SCAPER: variants seen among roughly 807,000 people sequenced by gnomAD.
SCAPER encodes the protein S phase cyclin A-associated protein in the endoplasmic reticulum.
Under a neutral mutation model 182.2 loss-of-function variants are expected in SCAPER, and 98 were observed. The observed-to-expected ratio is 0.54, with a 90% CI of 0.46 to 0.64. SCAPER has a LOEUF of 0.64. Ranked by LOEUF, SCAPER falls within the 30% of genes least tolerant of loss-of-function variation. The probability of loss-of-function intolerance (pLI) is 0.00; values close to 1 mark genes in which losing one functional copy is unlikely to be tolerated. For missense variants in SCAPER, 1,432 were observed against 1,690.0 expected (o/e 0.85, Z 2.68); for synonymous variants, 605 against 564.6 (o/e 1.07, Z -1.01).
At chr15:76,390,471 G>A (rs953363359) in intron 27 of SCAPER, among the ~76,000 whole-genome samples, 4 of 152,186 alleles carry the variant, frequency 2.6e-5, no homozygotes, top group Non-Finnish European at 4.4e-5. Context: ...ACACAACAAA[G>A]TGGAAGAGTA....
intron 1 of SCAPER, among the ~76,000 whole-genome samples, chr15:76,888,015 C>A (rs1005789144): frequency 1.6e-4 from 24 of 152,242 alleles, no homozygotes; most frequent in Non-Finnish European, 2.4e-4. Context: ...GCAGCCTCTG[C>A]TGGTGATACC....
intron 23 of SCAPER, among the ~76,000 whole-genome samples, chr15:76,537,923 C>T (rs1014768175): frequency 2.6e-5 from 4 of 151,982 alleles, no homozygotes; most frequent in Non-Finnish European, 5.9e-5. Context: ...ACAGACACTT[C>T]TCAAAAGAAG....
At position 76,825,358 on chromosome 15, in the gene SCAPER, A is replaced by T. The variant is rs115197649; in HGVS notation, c.393+16376T>A. On this transcript the variant is annotated intron_variant, in intron 5 of 31. Transcript: ENST00000563290. ...TTTAACAGCCAGCACAAATACCACAAATACAAACTCTTCTATGATCCTACA... is the reference window on the plus strand; with the variant it reads ...TTTAACAGCCAGCACAAATACCACATATACAAACTCTTCTATGATCCTACA... Among the ~76,000 whole-genome samples the T allele has an allele frequency of 8.1e-3, 1,231 of 152,206 alleles. 13 individuals carry two copies. Among genetic ancestry groups the T allele is most frequent in the African/African-American group, 0.028 (1,167 of 41,512 alleles).
At chr15:76,749,552 C>T (rs556760565) in intron 15 of SCAPER, among the ~76,000 whole-genome samples, 160 of 151,914 alleles carry the variant, frequency 1.1e-3, no homozygotes, top group Non-Finnish European at 1.4e-3. Flanking sequence ...AACAATAGAC[C>T]TAATAAGTGA....
intron 23 of SCAPER, among the ~76,000 whole-genome samples, chr15:76,558,631 A>G (rs2046364057): frequency 6.6e-6 from 1 of 152,192 alleles, no homozygotes; most frequent in African/African-American, 2.4e-5. Context: ...TTCTCAGAGA[A>G]CTTAGAACTA....
chr15:76,433,105 G>T (rs2142525025), intron 26 of SCAPER, among the ~76,000 whole-genome samples: 1 of 152,334 alleles, frequency 6.6e-6, no homozygotes, highest in East Asian at 1.9e-4. Context: ...TTTATAACCA[G>T]AGATGAACTG....
intron 17 of SCAPER, among the ~76,000 whole-genome samples, chr15:76,719,050 A>G (rs1350461679): frequency 1.3e-5 from 2 of 152,186 alleles, no homozygotes; most frequent in Non-Finnish European, 2.9e-5. Context: ...CTCTTCTGGC[A>G]ATATACCCAA....
chr15:76,863,836 T>G (rs2072061486), intron 2 of SCAPER, among the ~76,000 whole-genome samples: 3 of 152,144 alleles, frequency 2.0e-5, no homozygotes, highest in African/African-American at 7.2e-5. Context: ...CTGAGTCTCT[T>G]AGAATGCTCC....
chr15:76,670,218 G>GA (rs2056913036), intron 20 of SCAPER, among the ~76,000 whole-genome samples: 1 of 151,566 alleles, frequency 6.6e-6, no homozygotes, highest in Admixed American at 6.6e-5. Flanking sequence ...CTAATACCTA[G>GA]AAAAAAACTG....
chr15:76,796,261 C>T (rs2065319258), intron 7 of SCAPER, among the ~76,000 whole-genome samples: 1 of 152,058 alleles, frequency 6.6e-6, no homozygotes, highest in Non-Finnish European at 1.5e-5. Flanking sequence ...GCACAATTCT[C>T]CTTAACCTTA....
chr15:76,529,831 T>C (rs2043501767), intron 23 of SCAPER, among the ~76,000 whole-genome samples: 1 of 152,194 alleles, frequency 6.6e-6, no homozygotes, highest in Non-Finnish European at 1.5e-5. Context: ...TAGAGCTTTC[T>C]AGGTGATTGT....
chr15:76,675,183 A>C (rs980257728), intron 20 of SCAPER, among the ~76,000 whole-genome samples: 1 of 152,228 alleles, frequency 6.6e-6, no homozygotes, highest in Non-Finnish European at 1.5e-5. Flanking sequence ...TTTACAAAAG[A>C]GTCATTTTGT....
chr15:76,360,623 G>A (rs111884630), intron 29 of SCAPER, among the ~76,000 whole-genome samples: 9 of 152,214 alleles, frequency 5.9e-5, no homozygotes, highest in Non-Finnish European at 1.0e-4. Flanking sequence ...ATGAAGATGA[G>A]GATGACATAC....
chr15:76,591,299 G>T (rs930866221), intron 22 of SCAPER, among the ~76,000 whole-genome samples: 2 of 148,570 alleles, frequency 1.3e-5, no homozygotes, highest in Non-Finnish European at 3.0e-5. Flanking sequence ...CAGGCTGCAC[G>T]CCCAGGAGGA....
At chr15:76,452,752 ACT>A (rs1437543518) in intron 25 of SCAPER, among the ~76,000 whole-genome samples, 1 of 152,010 alleles carries the variant, frequency 6.6e-6, no homozygotes, top group African/African-American at 2.4e-5. Flanking sequence ...GGTTTCCAAA[ACT>A]TTTATTTTTG....
At chr15:76,747,980 TCTTTTTTTTTTTTTC>T (rs976630338) in intron 15 of SCAPER, among the ~76,000 whole-genome samples, 1 of 106,928 alleles carries the variant, frequency 9.4e-6, no homozygotes, top group African/African-American at 4.6e-5. Context: ...ATATGGATAT[TCTTTTTTTTTTTTTC>T]CTTTTTTTTT....
chr15:76,632,430 T>A (rs2053198037), intron 21 of SCAPER, among the ~76,000 whole-genome samples: 2 of 152,170 alleles, frequency 1.3e-5, no homozygotes, highest in African/African-American at 4.8e-5. Context: ...CCTGACTTTG[T>A]GATCCACCCA....
intron 22 of SCAPER, among the ~76,000 whole-genome samples, chr15:76,604,655 T>G (rs1597624855): frequency 6.6e-6 from 1 of 152,168 alleles, no homozygotes; most frequent in East Asian, 1.9e-4. Flanking sequence ...TTCTTACCCA[T>G]GAGCATGGAA....
intron 23 of SCAPER, among the ~76,000 whole-genome samples, chr15:76,524,777 T>C (rs1048471648): frequency 6.8e-6 from 1 of 147,294 alleles, no homozygotes; most frequent in East Asian, 2.1e-4. Flanking sequence ...AAACAAGAAT[T>C]GAAAGTTAAT....
Sources: gnomAD v4.1 joint callset for allele counts (sites outside exome capture counted in the v4.1 genomes callset) on GRCh38, gnomAD v4.1.1 for gene constraint, MANE v1.5 for transcripts, NCBI Gene and HGNC (gene_info 2026-07-23, HGNC 2026-07-21) for gene names.